PDCD2: variants seen among roughly 807,000 people sequenced by gnomAD.
PDCD2 encodes uS5 assembly chaperone PDCD2.
PDCD2 carries 38 observed loss-of-function variants against 38.1 expected under a neutral mutation model. That is an observed-to-expected ratio of 1.00 (90% confidence interval 0.77 to 1.31). The LOEUF is 1.31. Ranked by LOEUF, PDCD2 falls within the 50% of genes most tolerant of loss-of-function variation. PDCD2 has a pLI of 0.00. For synonymous variants in PDCD2, 205 were observed against 168.9 expected (o/e 1.21, Z -1.66); for missense variants, 473 against 435.7 (o/e 1.09, Z -0.76).
At chr6:170,582,082 G>T in intron 3 of PDCD2, 5 of 1,511,302 alleles carry the variant, frequency 3.3e-6, no homozygotes, top group Non-Finnish European at 4.4e-6. Context: ...CATGTTTATC[G>T]TATAGGCATG....
rs575710571 is a variant in PDCD2, at chr6:170,577,462, C to G, written c.*97G>C. On this transcript the variant is annotated 3_prime_UTR_variant, in exon 6 of 6. Transcript: ENST00000541970. ...GCAATCTGTCAACATCTCTGCACCT[C>G]TATTTTTGGTATAAGTATTTCCTTA... 9.7e-7 allele frequency: 1 copy of G among 1,036,026 alleles called. No individual in the cohort carries two copies. Among genetic ancestry groups the G allele is most frequent in the Admixed American group, 2.2e-5 (1 of 45,852 alleles). 64.2% of individuals were successfully genotyped at this position (1,036,026 alleles called of 1,614,324 possible). A position where few individuals can be genotyped will look rare whatever the true frequency, so the allele number is the denominator to read the frequency against.
intron 4 of PDCD2, chr6:170,579,313 T>C (rs1423022908): frequency 2.9e-5 from 6 of 207,840 alleles, no homozygotes; most frequent in South Asian, 1.7e-4. Flanking sequence ...CCAGAGTCTG[T>C]GCCTACCTTC....
In PDCD2 at chr6:170,577,427, C is replaced by CA; in HGVS notation, c.*131dup. The CA allele has an allele frequency of 1.3e-6, 1 of 742,130 alleles. No individual in the cohort carries two copies. The highest frequency in any genetic ancestry group is 2.2e-6 in the Non-Finnish European group (1 of 462,816). The allele number at this position is 742,130 out of a possible 1,614,324, so 46.0% of individuals were successfully genotyped here. ...CACTTTTGTTTCACTAATAAGTAGA[C>CA]ACTGTGTAAGCAATCTGTCAACATC... On this transcript the variant is annotated 3_prime_UTR_variant, in exon 6 of 6. Coordinates refer to ENST00000541970, the MANE Select transcript of PDCD2 (RefSeq NM_002598.4).
Position 170,584,363 on chromosome 6 carries a change from G to A in PDCD2, c.219C>T (p.Asp73=), listed in dbSNP as rs1212338814. 2.7e-6 allele frequency: 4 copies of A among 1,494,982 alleles called. No individual in the cohort carries two copies. The highest frequency in any genetic ancestry group is 1.3e-5 in the South Asian group (1 of 77,940). The allele number at this position is 1,494,982 out of a possible 1,614,324, so 92.6% of individuals were successfully genotyped here. A position where few individuals can be genotyped will look rare whatever the true frequency, so the allele number is the denominator to read the frequency against. ...AGAGGAAGATGCAGCGGTGGAAGGC[G>A]TCCGGGCGGCCAGGCAGCGGCGCAT... The part of the protein sequence containing the change: ...QVYAPLPGRP[D]AFHRCIFLFC... Residue 73 remains aspartate (D), a synonymous_variant, in exon 1 of 6, where the codon GAC becomes GAT. Transcript: ENST00000541970.
Position 170,583,968 on chromosome 6 carries a change from T to C in PDCD2, c.284-221A>G, listed in dbSNP as rs1484737424. Reference sequence around the variant, plus strand: ...GAGTTAATCAAATTAATAAGACTGATCGTTAAGAACGACTGCCAAAAATAC... The same window carrying C: ...GAGTTAATCAAATTAATAAGACTGACCGTTAAGAACGACTGCCAAAAATAC... On this transcript the variant is annotated intron_variant, in intron 1 of 5. Coordinates refer to ENST00000541970, the MANE Select transcript of PDCD2 (RefSeq NM_002598.4). The C allele has an allele frequency of 8.9e-6, 5 of 560,896 alleles. No homozygotes were observed. The Admixed American group carries it at 1.4e-4, about 15-fold the overall frequency. The allele number at this position is 560,896 out of a possible 1,614,324, so 34.7% of individuals were successfully genotyped here. A position where few individuals can be genotyped will look rare whatever the true frequency, so the allele number is the denominator to read the frequency against.
At chr6:170,581,132 T>C (rs1482043760) in intron 3 of PDCD2, 1 of 152,158 alleles carries the variant, frequency 6.6e-6, no homozygotes, top group Non-Finnish European at 1.5e-5. Flanking sequence ...ATTTTGGACA[T>C]ACAGAAAAGT....
At position 170,583,700 on chromosome 6, in the gene PDCD2, G is replaced by C; in HGVS notation, c.331C>G (p.Pro111Ala). The C allele has an allele frequency of 6.2e-7, 1 of 1,613,080 alleles. No homozygotes were observed. The highest frequency in any genetic ancestry group is 8.5e-7 in the Non-Finnish European group (1 of 1,179,134). Residue 111 changes from proline (P) to alanine (A), a missense_variant, in exon 2 of 6, where the codon CCA becomes GCA. Coordinates refer to ENST00000541970, the MANE Select transcript of PDCD2 (RefSeq NM_002598.4). ...PRKNDFYSYE[P>A]PSENPPPETG... The stretch of plus-strand genomic sequence containing the variant: ...TCTGGGGGAGGATTCTCAGAAGGTG[G>C]CTCATATGAGTAAAAATCGTTTTTC...
rs1266889426 is a variant in PDCD2 at position 170,575,775 on chromosome 6, G to A, written c.*1784C>T. 1.3e-5 allele frequency: 2 copies of A among 152,114 alleles called. No individual in the cohort carries two copies. Among genetic ancestry groups the A allele is most frequent in the African/African-American group, 4.8e-5 (2 of 41,404 alleles). The allele number at this position is 152,114 out of a possible 1,614,324, so 9.4% of individuals were successfully genotyped here. ...GTAAACTGTTACGATCATCTCCAGA[G>A]GTTAACTGGAATATACACCAATGAC... On this transcript the variant is annotated 3_prime_UTR_variant, in exon 6 of 6. Coordinates refer to ENST00000541970, the MANE Select transcript of PDCD2 (RefSeq NM_002598.4).
chr6:170,577,775 T>A (rs1779484388), intron 5 of PDCD2, 58 bp from the exon 6 acceptor site: 1 of 1,544,048 alleles, frequency 6.5e-7, no homozygotes, highest in East Asian at 2.3e-5. Flanking sequence ...GCACGAGACC[T>A]TCTCAGCCAG....
In PDCD2 at chr6:170,584,560, G is replaced by T; in HGVS notation, c.22C>A (p.Pro8Thr). 7.7e-7 allele frequency: 1 copy of T among 1,294,788 alleles called. No homozygotes were observed. The highest frequency in any genetic ancestry group is 2.4e-5 in the South Asian group (1 of 42,380). 80.2% of individuals were successfully genotyped at this position (1,294,788 alleles called of 1,614,324 possible). A position where few individuals can be genotyped will look rare whatever the true frequency, so the allele number is the denominator to read the frequency against. ...GACTCGGCGAAGCCCAGCTCCACAG[G>T]CCTGGCCCCGGCGGCAGCCATGCGG... Reference protein sequence around the residue: MAAAGARPVELGFAESAP... With the variant: MAAAGARTVELGFAESAP... The change falls in exon 1 of 6, where the codon CCT becomes ACT. Residue 8 changes from proline (P) to threonine (T), a missense_variant. Transcript: ENST00000541970.
intron 3 of PDCD2, chr6:170,582,636 A>C (rs1187216932): frequency 2.4e-6 from 3 of 1,245,068 alleles, no homozygotes; most frequent in Non-Finnish European, 3.0e-6. Context: ...AGTACTACCC[A>C]AGAGTATGCA....
At chr6:170,580,867 G>A (rs188508785) in intron 3 of PDCD2, among the ~76,000 whole-genome samples, 209 of 152,300 alleles carry the variant, frequency 1.4e-3, no homozygotes, top group African/African-American at 4.9e-3. Flanking sequence ...TTGGGTCAGA[G>A]AAGCTAAAAT....
rs189739025 is a variant in PDCD2 at position 170,583,978 on chromosome 6, C to G, written c.284-231G>C. On this transcript the variant is annotated intron_variant, in intron 1 of 5. Coordinates refer to ENST00000541970, the MANE Select transcript of PDCD2 (RefSeq NM_002598.4). ...AATTAATAAGACTGATCGTTAAGAA[C>G]GACTGCCAAAAATACGAAAAAGCTA... 334 of 550,054 alleles carry G rather than the reference C, an allele frequency of 6.1e-4. 5 individuals carry two copies. The highest frequency in any genetic ancestry group is 5.6e-3 in the African/African-American group (291 of 51,838). The allele number at this position is 550,054 out of a possible 1,614,324, so 34.1% of individuals were successfully genotyped here.
chr6:170,578,644 C>A (rs1157821679), intron 5 of PDCD2: 3 of 703,254 alleles, frequency 4.3e-6, no homozygotes, highest in Non-Finnish European at 7.8e-6. Flanking sequence ...AGTCAATAGA[C>A]CGTGTCTGAA....
At chr6:170,583,318 T>A in intron 2 of PDCD2, 130 bp from the exon 3 acceptor site, 2 of 905,794 alleles carry the variant, frequency 2.2e-6, no homozygotes, top group South Asian at 1.7e-5. Flanking sequence ...ATTAAATGCC[T>A]ATATGGTGAC....
rs1779431224 is a variant in PDCD2 at position 170,575,531 on chromosome 6, T to C, written c.*2028A>G. On this transcript the variant is annotated 3_prime_UTR_variant, in exon 6 of 6. Transcript: ENST00000541970. ...GAGCCATGATTATGTAGGTGAGACTTGCTCATTATCTTGTAGTGTTTTAAA... is the reference window on the plus strand; with the variant it reads ...GAGCCATGATTATGTAGGTGAGACTCGCTCATTATCTTGTAGTGTTTTAAA... The C allele has an allele frequency of 6.6e-6, 1 of 152,232 alleles. No homozygotes were observed. The highest frequency in any genetic ancestry group is 2.1e-4 in the South Asian group (1 of 4,832). The allele number at this position is 152,232 out of a possible 1,614,324, so 9.4% of individuals were successfully genotyped here.
chr6:170,581,219 A>C (rs941708812), intron 3 of PDCD2: 1 of 152,170 alleles, frequency 6.6e-6, no homozygotes, highest in East Asian at 1.9e-4. Flanking sequence ...TTTCTCTGCC[A>C]CTTCCACCTC....
In PDCD2 at chr6:170,581,013, A is replaced by C. The variant is rs549648288; in HGVS notation, c.659-908T>G. On this transcript the variant is annotated intron_variant, in intron 3 of 5. Coordinates refer to ENST00000541970, the MANE Select transcript of PDCD2 (RefSeq NM_002598.4). ...AAAGTTTCAGTATAACCGTTAGGACACTGTAAATGCTGTTCCCTCAGGCCC... is the reference window on the plus strand; with the variant it reads ...AAAGTTTCAGTATAACCGTTAGGACCCTGTAAATGCTGTTCCCTCAGGCCC... The C allele has an allele frequency of 2.6e-5, 4 of 152,304 alleles. No homozygotes were observed. In the South Asian group the frequency reaches 8.3e-4, roughly 32 times the overall value. The allele number at this position is 152,304 out of a possible 1,614,324, so 9.4% of individuals were successfully genotyped here.
At chr6:170,582,888 A>C in intron 3 of PDCD2, 169 bp downstream of exon 3, 1 of 1,431,874 alleles carries the variant, frequency 7.0e-7, no homozygotes, top group Non-Finnish European at 9.1e-7. Flanking sequence ...TATGTGTCAG[A>C]AAACAAAGTC....
Sources: gnomAD v4.1 joint callset for allele counts (sites outside exome capture counted in the v4.1 genomes callset) on GRCh38, gnomAD v4.1.1 for gene constraint, MANE v1.5 for transcripts, NCBI Gene and HGNC (gene_info 2026-07-23, HGNC 2026-07-21) for gene names.